Variants in GPM6A observed in about 807,000 individuals in gnomAD.
GPM6A encodes the protein glycoprotein M6A, also known as neuronal membrane glycoprotein M6-a.
In GPM6A, 7 loss-of-function variants were observed where a neutral mutation model predicts 32.1. That is an observed-to-expected ratio of 0.22 (90% CI 0.12 to 0.41). The LOEUF is 0.41. Among genes scored for constraint, GPM6A ranks in the 10% least tolerant of loss-of-function variants. The probability of loss-of-function intolerance (pLI) is 1.00; values close to 1 mark genes in which losing one functional copy is unlikely to be tolerated. For missense variants in GPM6A, 235 were observed against 347.2 expected, an observed-to-expected ratio of 0.68 and a Z score of 2.57; for synonymous variants, 130 against 123.4, an observed-to-expected ratio of 1.05 and a Z score of -0.35.
chr4:175,712,625 G>A (rs984077664), intron 1 of GPM6A, among the ~76,000 whole-genome samples: 1 of 152,162 alleles, frequency 6.6e-6, no homozygotes, highest in Non-Finnish European at 1.5e-5. Context: ...CTAACACTGA[G>A]GGAAACATGT....
At chr4:175,758,983 T>C (rs1732636462) in intron 1 of GPM6A, among the ~76,000 whole-genome samples, 3 of 152,216 alleles carry the variant, frequency 2.0e-5, no homozygotes, top group African/African-American at 7.2e-5. Context: ...AGACCTCAGC[T>C]GTTTTCAGTG....
At chr4:175,970,636 G>A (rs1278211144) in intron 1 of GPM6A, among the ~76,000 whole-genome samples, 1 of 152,124 alleles carries the variant, frequency 6.6e-6, no homozygotes, top group African/African-American at 2.4e-5. Context: ...TCATATGCAG[G>A]GTTGTGAAGC....
At chr4:175,927,820 G>T (rs1738895923) in intron 1 of GPM6A, among the ~76,000 whole-genome samples, 2 of 152,184 alleles carry the variant, frequency 1.3e-5, no homozygotes, top group African/African-American at 2.4e-5. Flanking sequence ...GCGAGGCGGA[G>T]GTTGCAATGA....
At chr4:175,991,866 T>C (rs1741155191) in intron 1 of GPM6A, among the ~76,000 whole-genome samples, 1 of 152,082 alleles carries the variant, frequency 6.6e-6, no homozygotes, top group African/African-American at 2.4e-5. Context: ...TACCTGGAGA[T>C]AACATTGCCA....
intron 1 of GPM6A, among the ~76,000 whole-genome samples, chr4:175,819,946 A>G (rs551211910): frequency 1.1e-4 from 16 of 152,224 alleles, no homozygotes; most frequent in African/African-American, 3.9e-4. Flanking sequence ...TAAAAATATT[A>G]ATACTCAGTT....
chr4:175,816,723 A>G (rs1240558625), upstream of GPM6A, among the ~76,000 whole-genome samples: 1 of 152,244 alleles, frequency 6.6e-6, no homozygotes, highest in Non-Finnish European at 1.5e-5. Flanking sequence ...TTTCAGACAC[A>G]GAATTAACAT....
At chr4:175,705,043 T>G (rs1213388406) in intron 1 of GPM6A, among the ~76,000 whole-genome samples, 3 of 152,316 alleles carry the variant, frequency 2.0e-5, no homozygotes, top group Non-Finnish European at 2.9e-5. Context: ...CACTCTACTT[T>G]AAATGGACCA....
chr4:175,885,052 TCAGAATGTA>T (rs1737408326), intron 1 of GPM6A, among the ~76,000 whole-genome samples: 1 of 152,182 alleles, frequency 6.6e-6, no homozygotes, highest in African/African-American at 2.4e-5. Flanking sequence ...AAGATATCTT[TCAGAATGTA>T]CATATGTATG....
chr4:175,897,779 T>C (rs560052674), intron 1 of GPM6A, among the ~76,000 whole-genome samples: 1 of 152,342 alleles, frequency 6.6e-6, no homozygotes, highest in Non-Finnish European at 1.5e-5. Context: ...AATGCATTGT[T>C]AATTGGGTCA....
intron 1 of GPM6A, among the ~76,000 whole-genome samples, chr4:175,760,523 ACT>A (rs1378199568): frequency 2.0e-5 from 3 of 152,098 alleles, no homozygotes; most frequent in Non-Finnish European, 4.4e-5. Context: ...TGCTCAAAAG[ACT>A]CTCATGTTGA....
intron 1 of GPM6A, chr4:175,807,120 A>C (rs994158273): frequency 2.0e-5 from 3 of 152,228 alleles, no homozygotes; most frequent in Admixed American, 6.5e-5. Flanking sequence ...TCTATTAATA[A>C]ACCAGACACA....
intron 1 of GPM6A, among the ~76,000 whole-genome samples, chr4:175,718,057 T>A (rs983452816): frequency 6.6e-6 from 1 of 152,196 alleles, no homozygotes; most frequent in Non-Finnish European, 1.5e-5. Context: ...ATTGAGAAAT[T>A]TTCTTAAAAC....
intron 1 of GPM6A, among the ~76,000 whole-genome samples, chr4:175,886,948 T>C (rs1338517569): frequency 1.3e-5 from 2 of 151,990 alleles, no homozygotes; most frequent in African/African-American, 2.4e-5. Flanking sequence ...GAAAAGTATA[T>C]ATGCCAGGTA....
At chr4:175,915,329 C>T (rs980392797) in intron 1 of GPM6A, among the ~76,000 whole-genome samples, 2 of 151,090 alleles carry the variant, frequency 1.3e-5, no homozygotes, top group Admixed American at 6.6e-5. Flanking sequence ...CTCTGTCACC[C>T]AGGCTGGAGT....
At chr4:175,826,361 T>C (rs1193896923) in intron 1 of GPM6A, among the ~76,000 whole-genome samples, 1 of 151,554 alleles carries the variant, frequency 6.6e-6, no homozygotes, top group Non-Finnish European at 1.5e-5. Flanking sequence ...GTATCGTGAA[T>C]TAGGGACAAG....
At chr4:175,796,661 C>T (rs1734242320) in intron 1 of GPM6A, among the ~76,000 whole-genome samples, 1 of 152,144 alleles carries the variant, frequency 6.6e-6, no homozygotes, top group Admixed American at 6.5e-5. Flanking sequence ...ATTCACAATA[C>T]TTTTATGTTG....
At chr4:175,638,000 G>A (rs1740912254) in intron 6 of GPM6A, among the ~76,000 whole-genome samples, 1 of 145,746 alleles carries the variant, frequency 6.9e-6, no homozygotes, top group African/African-American at 2.5e-5. Context: ...GGCCTTAAGG[G>A]GAACCCAAGC....
chr4:175,939,875 T>G (rs1310815733), intron 1 of GPM6A, among the ~76,000 whole-genome samples: 1 of 152,064 alleles, frequency 6.6e-6, no homozygotes, highest in Admixed American at 6.6e-5. Flanking sequence ...ACCTGACATT[T>G]GGCAATCATA....
intron 1 of GPM6A, among the ~76,000 whole-genome samples, chr4:175,979,307 A>C (rs1740753599): frequency 1.4e-5 from 2 of 141,650 alleles, no homozygotes; most frequent in South Asian, 4.6e-4. Context: ...TTTAAACACA[A>C]CTTTTCCAGG....
Sources: allele counts gnomAD v4.1 joint callset (sites outside exome capture counted in the v4.1 genomes callset), GRCh38; gene constraint gnomAD v4.1.1; transcripts MANE v1.5; gene names NCBI Gene and HGNC (gene_info 2026-07-23, HGNC 2026-07-21).